Variants in SIK3 observed in about 807,000 individuals in gnomAD.
SIK3 encodes the protein SIK family kinase 3.
A neutral mutation model predicts 144.2 loss-of-function variants in SIK3; 28 were observed. The ratio of observed to expected loss-of-function variants is 0.19; its 90% CI spans 0.14 to 0.27. The LOEUF (loss-of-function observed/expected upper bound fraction) is 0.27, where lower values mean the gene tolerates loss of function less well. SIK3 is among the 10% of genes least tolerant of loss of function. SIK3 has a pLI of 1.00. For missense variants in SIK3, 1,319 were observed against 1,776.0 expected (o/e 0.74, Z 4.62); for synonymous variants, 686 against 676.3 (o/e 1.01, Z -0.22).
chr11:116,978,058 A>G (rs550246923), intron 1 of SIK3, among the ~76,000 whole-genome samples: 1 of 152,118 alleles, frequency 6.6e-6, no homozygotes, highest in African/African-American at 2.4e-5. Context: ...CTCTACTAAA[A>G]TTACAAAAAC....
At chr11:117,053,857 G>A (rs868579042) in intron 1 of SIK3, among the ~76,000 whole-genome samples, 6 of 152,224 alleles carry the variant, frequency 3.9e-5, no homozygotes, top group Middle Eastern at 3.4e-3. Flanking sequence ...GTATTGCCCA[G>A]GCTGGTCTCG....
intron 1 of SIK3, among the ~76,000 whole-genome samples, chr11:117,055,715 AT>A (rs2135932408): frequency 6.6e-6 from 1 of 152,382 alleles, no homozygotes; most frequent in East Asian, 1.9e-4. Context: ...TAAAAGTCAG[AT>A]GTTGCCAACG....
intron 1 of SIK3, among the ~76,000 whole-genome samples, chr11:117,001,652 A>G (rs1386382618): frequency 6.6e-6 from 1 of 152,208 alleles, no homozygotes; most frequent in East Asian, 1.9e-4. Flanking sequence ...ACTGAACTCC[A>G]GCCCGGGCAA....
intron 1 of SIK3, among the ~76,000 whole-genome samples, chr11:117,089,213 G>A (rs1955141448): frequency 3.3e-5 from 5 of 151,902 alleles, no homozygotes; most frequent in Admixed American, 3.3e-4. Flanking sequence ...AGACCAGCCT[G>A]GCTAACACAT....
rs1161944706 is a variant in SIK3 at position 116,862,333 on chromosome 11, G to A, written c.2104-6C>T. The A allele has an allele frequency of 6.2e-7, 1 of 1,614,130 alleles. No homozygotes were observed. Among genetic ancestry groups the A allele is most frequent in the South Asian group, 1.1e-5 (1 of 91,072 alleles). On this transcript the variant is annotated splice_region_variant and splice_polypyrimidine_tract_variant and intron_variant, in intron 16 of 24. Coordinates refer to ENST00000445177, the MANE Select transcript of SIK3 (RefSeq NM_001366686.3). ...TTCTGCAGCTGCTCACACTCCTGAA[G>A]GGAAAGTAGTTAATACAGATGGGAT... is the stretch of plus-strand genomic sequence containing the variant.
chr11:117,023,621 A>AAT (rs1555131639), intron 1 of SIK3, among the ~76,000 whole-genome samples: 1,829 of 95,024 alleles, frequency 0.019, 42 homozygotes, highest in South Asian at 0.044. Context: ...AAAAAAAAAA[A>AAT]ATATATATAT....
intron 21 of SIK3, among the ~76,000 whole-genome samples, chr11:116,855,107 A>C (rs1300994600): frequency 1.4e-5 from 2 of 144,480 alleles, no homozygotes; most frequent in African/African-American, 5.0e-5. Flanking sequence ...AAAAAAAAAA[A>C]AACTTGAGTT....
Position 116,846,615 on chromosome 11 carries a change from G to C in SIK3, c.3953-62C>G. On this transcript the variant is annotated intron_variant, in intron 23 of 24. Transcript: ENST00000445177. The surrounding 1 kb of genome is among the most constrained non-coding windows in gnomAD (Gnocchi z 4.1). The stretch of plus-strand genomic sequence containing the variant: ...AACTGGGGGACTAGGAGAGCAAGGG[G>C]GAGAGAGAGGAGGAATTGAAGGCAA... The C allele has an allele frequency of 6.3e-7, 1 of 1,588,562 alleles. No homozygotes were observed. The highest frequency in any genetic ancestry group is 1.1e-5 in the South Asian group (1 of 88,984).
In SIK3 at chr11:117,023,078, A is replaced by G. The variant is rs12274597; in HGVS notation, c.274-66014T>C. 5.7e-3 allele frequency among the ~76,000 whole-genome samples: 875 copies of G among 152,334 alleles called. 11 individuals are homozygous for G. The highest frequency in any genetic ancestry group is 0.02 in the African/African-American group (840 of 41,564). On this transcript the variant is annotated intron_variant, in intron 1 of 24. Transcript: ENST00000445177. ...GAAAACACAAATGACAACTAAGATAACTAGTGTGGGCTAAACAATAACATT... is the reference window on the plus strand; with the variant it reads ...GAAAACACAAATGACAACTAAGATAGCTAGTGTGGGCTAAACAATAACATT...
intron 1 of SIK3, among the ~76,000 whole-genome samples, chr11:116,980,900 A>AT (rs771534853): frequency 5.3e-5 from 8 of 152,112 alleles, no homozygotes; most frequent in African/African-American, 1.9e-4. Context: ...GATCATCATC[A>AT]TAAGTCTGGG....
In SIK3 at chr11:116,928,791, A is replaced by G. The variant is rs538419918; in HGVS notation, c.455-1411T>C. ...TAGTCACTTTAAGAACATATCTTAT[A>G]TGTAGATAATATAAATCATTAAGAA... is the stretch of plus-strand genomic sequence containing the variant. On this transcript the variant is annotated intron_variant, in intron 3 of 24. Transcript: ENST00000445177. 5.1e-4 allele frequency among the ~76,000 whole-genome samples: 77 copies of G among 152,348 alleles called. 2 individuals carry two copies. In the South Asian group the frequency reaches 0.015, roughly 30 times the overall value.
At chr11:116,854,233 G>A (rs899323904) in intron 21 of SIK3, among the ~76,000 whole-genome samples, 3 of 152,102 alleles carry the variant, frequency 2.0e-5, no homozygotes, top group Non-Finnish European at 4.4e-5. Flanking sequence ...GTAGTGGCAC[G>A]CGCCTGTAGT....
intron 6 of SIK3, among the ~76,000 whole-genome samples, chr11:116,881,747 CTAAT>C (rs1434563302): frequency 6.6e-6 from 1 of 152,084 alleles, no homozygotes; most frequent in African/African-American, 2.4e-5. Context: ...GAATGAAAGA[CTAAT>C]AGAGCAATTC....
rs551520541 is a variant in SIK3, at chr11:116,969,800, T to C, written c.274-12736A>G. Reference sequence around the variant, plus strand: ...TCCATCCTGGTTACAGACAAAACTTTTTAGAAGCCTAGGGCTCTGCAGAAC... The same window carrying C: ...TCCATCCTGGTTACAGACAAAACTTCTTAGAAGCCTAGGGCTCTGCAGAAC... On this transcript the variant is annotated intron_variant, in intron 1 of 24. Transcript: ENST00000445177. Among the ~76,000 whole-genome samples the C allele has an allele frequency of 1.6e-4, 25 of 152,292 alleles. 1 individual carries two copies. The South Asian group carries it at 4.1e-3, about 25-fold the overall frequency.
intron 1 of SIK3, 106 bp downstream of exon 1, chr11:117,098,037 G>A: frequency 1.8e-6 from 2 of 1,139,484 alleles, no homozygotes; most frequent in Non-Finnish European, 1.1e-6. Context: ...GGCCCCCAAC[G>A]CTCCCACCAC....
At chr11:116,946,804 T>C (rs1048434958) in intron 3 of SIK3, among the ~76,000 whole-genome samples, 2 of 152,120 alleles carry the variant, frequency 1.3e-5, no homozygotes, top group Non-Finnish European at 2.9e-5. Context: ...TGTCTCCACC[T>C]CTGCCATTTT....
chr11:116,876,456 C>T (rs575942580), intron 7 of SIK3, 93 bp from the exon 8 acceptor site: 1 of 1,032,300 alleles, frequency 9.7e-7, no homozygotes, highest in South Asian at 1.3e-5. Flanking sequence ...TCCATGCCCT[C>T]TGGCTTGGGA....
At chr11:116,967,107 G>C (rs61905682) in intron 1 of SIK3, among the ~76,000 whole-genome samples, 4,855 of 152,062 alleles carry the variant, frequency 0.032, 102 homozygotes, top group Non-Finnish European at 0.036. Flanking sequence ...TAAAATACAA[G>C]GTTGTCAGAA....
intron 3 of SIK3, among the ~76,000 whole-genome samples, chr11:116,939,024 T>C (rs1272303475): frequency 6.6e-6 from 1 of 152,200 alleles, no homozygotes; most frequent in Non-Finnish European, 1.5e-5. Context: ...GAATCAAGCA[T>C]TTATCTTGTC....
Sources: allele counts gnomAD v4.1 joint callset (sites outside exome capture counted in the v4.1 genomes callset), GRCh38; gene constraint gnomAD v4.1.1; non-coding constraint Gnocchi (gnomAD v3.1); transcripts MANE v1.5; gene names NCBI Gene and HGNC (gene_info 2026-07-23, HGNC 2026-07-21).